EYS: variants seen among roughly 807,000 people sequenced by gnomAD.
EYS encodes the protein protein eyes shut homolog.
Under a neutral mutation model 282.1 loss-of-function variants are expected in EYS, and 250 were observed. The observed-to-expected ratio is 0.89, with a 90% CI of 0.80 to 0.98. The LOEUF (loss-of-function observed/expected upper bound fraction) is 0.98, where lower values mean the gene tolerates loss of function less well. EYS is among the 50% of genes least tolerant of loss of function. EYS has a pLI of 0.00. For missense variants in EYS, 4,016 were observed against 3,709.0 expected, an observed-to-expected ratio of 1.08 and a Z score of -2.15; for synonymous variants, 1,355 against 1,282.9, an observed-to-expected ratio of 1.06 and a Z score of -1.20.
At chr6:65,126,653 C>T (rs1316220272) in intron 12 of EYS, among the ~76,000 whole-genome samples, 1 of 152,094 alleles carries the variant, frequency 6.6e-6, no homozygotes, top group Non-Finnish European at 1.5e-5. Flanking sequence ...CTTCAGGATT[C>T]TTATGCAGTC....
At chr6:64,077,522 T>G (rs1771814964) in intron 32 of EYS, among the ~76,000 whole-genome samples, 1 of 151,984 alleles carries the variant, frequency 6.6e-6, no homozygotes, top group Non-Finnish European at 1.5e-5. Context: ...CTAAGATTGG[T>G]CCTTCTTTTG....
At chr6:65,612,597 A>G (rs1279170735) in intron 2 of EYS, among the ~76,000 whole-genome samples, 55 of 151,808 alleles carry the variant, frequency 3.6e-4, no homozygotes, top group Non-Finnish European at 4.4e-5. Flanking sequence ...GAGTTAACTA[A>G]GCAACAACTA....
At chr6:65,084,466 C>A (rs139038658) in intron 12 of EYS, among the ~76,000 whole-genome samples, 246 of 152,230 alleles carry the variant, frequency 1.6e-3, no homozygotes, top group African/African-American at 5.2e-3. Flanking sequence ...AATGCTACTC[C>A]AAGAAAGTAA....
intron 31 of EYS, among the ~76,000 whole-genome samples, chr6:64,189,279 T>C (rs1326936802): frequency 6.6e-6 from 1 of 152,242 alleles, no homozygotes; most frequent in East Asian, 1.9e-4. Context: ...CAATGGCCAC[T>C]GGGCCAAATA....
chr6:64,946,114 A>C (rs1434022533), intron 14 of EYS, among the ~76,000 whole-genome samples, 200 bp from the exon 15 acceptor site: 1 of 152,028 alleles, frequency 6.6e-6, no homozygotes, highest in Non-Finnish European at 1.5e-5. Context: ...TAATTAAATA[A>C]AGTTTTGTAG....
intron 22 of EYS, among the ~76,000 whole-genome samples, chr6:64,654,297 C>T (rs1207492255): frequency 1.3e-5 from 2 of 152,172 alleles, no homozygotes; most frequent in Non-Finnish European, 2.9e-5. Flanking sequence ...ATGCATATCT[C>T]TACTTGCTAG....
chr6:65,441,616 G>A (rs1313283023), intron 5 of EYS, among the ~76,000 whole-genome samples: 1 of 152,008 alleles, frequency 6.6e-6, no homozygotes, highest in Non-Finnish European at 1.5e-5. Context: ...AAAATATTCT[G>A]AGGAACACAG....
intron 31 of EYS, among the ~76,000 whole-genome samples, chr6:64,205,236 T>G (rs970388521): frequency 2.0e-5 from 3 of 152,210 alleles, no homozygotes; most frequent in African/African-American, 7.2e-5. Flanking sequence ...TTTACAAACT[T>G]TTATTCAATT....
At chr6:64,356,095 A>G in intron 29 of EYS, among the ~76,000 whole-genome samples, 1 of 151,534 alleles carries the variant, frequency 6.6e-6, no homozygotes, top group Non-Finnish European at 1.5e-5. Flanking sequence ...TATTATCTAA[A>G]TATAAATTAT....
intron 1 of EYS, among the ~76,000 whole-genome samples, chr6:65,643,985 A>T (rs1767372104): frequency 6.6e-6 from 1 of 152,082 alleles, no homozygotes. Flanking sequence ...AAACATAAAA[A>T]CAATTCTGGT....
intron 26 of EYS, among the ~76,000 whole-genome samples, chr6:64,493,968 G>C (rs1430264054): frequency 6.6e-6 from 1 of 151,574 alleles, no homozygotes; most frequent in Admixed American, 6.6e-5. Context: ...AAGGGACTAA[G>C]GGGTCCTGAA....
intron 28 of EYS, among the ~76,000 whole-genome samples, chr6:64,396,699 A>G (rs944286972): frequency 1.3e-5 from 2 of 152,118 alleles, no homozygotes; most frequent in Admixed American, 6.6e-5. Flanking sequence ...GTTCTGCAGT[A>G]TCGCTTCTGT....
intron 2 of EYS, among the ~76,000 whole-genome samples, chr6:65,516,323 G>A (rs1582403920): frequency 6.6e-6 from 1 of 151,938 alleles, no homozygotes; most frequent in African/African-American, 2.4e-5. Context: ...TAAGAATTTA[G>A]GCCTGTGGCT....
At chr6:64,225,555 T>C (rs986843650) in intron 31 of EYS, among the ~76,000 whole-genome samples, 1 of 152,018 alleles carries the variant, frequency 6.6e-6, no homozygotes, top group Non-Finnish European at 1.5e-5. Context: ...TGAAAATAGA[T>C]GGGATCATGA....
intron 7 of EYS, among the ~76,000 whole-genome samples, chr6:65,393,145 GGGA>G (rs1766119477): frequency 1.3e-5 from 2 of 151,552 alleles, no homozygotes; most frequent in Admixed American, 1.3e-4. Context: ...ACACAGGAAG[GGGA>G]ACATCACACT....
chr6:65,047,258 A>ACTC (rs1773132934), intron 13 of EYS, among the ~76,000 whole-genome samples: 1 of 151,428 alleles, frequency 6.6e-6, no homozygotes, highest in African/African-American at 2.4e-5. Flanking sequence ...TCATCAAATA[A>ACTC]CTCCCTCAAA....
rs78278892 is a variant in EYS, at chr6:64,402,205, A to G, written c.5928-13365T>C. 7.7e-4 allele frequency among the ~76,000 whole-genome samples: 118 copies of G among 152,316 alleles called. 1 individual carries two copies. In the East Asian group the frequency reaches 0.017, roughly 21 times the overall value. On this transcript the variant is annotated intron_variant, in intron 28 of 42. Coordinates refer to ENST00000503581, the MANE Select transcript of EYS (RefSeq NM_001142800.2). ...AGTCTTAGTGATCTCTTTAATGTCTAACACCATTAAAGTGTGCCACTCATT... is the reference window on the plus strand; with the variant it reads ...AGTCTTAGTGATCTCTTTAATGTCTGACACCATTAAAGTGTGCCACTCATT...
chr6:65,037,533 T>C (rs1772806082), intron 13 of EYS, among the ~76,000 whole-genome samples: 1 of 151,834 alleles, frequency 6.6e-6, no homozygotes, highest in African/African-American at 2.4e-5. Context: ...GTATTTTCTC[T>C]TCCGTATGAT....
intron 29 of EYS, 65 bp from the exon 30 acceptor site, chr6:64,307,147 T>A (rs999467761): frequency 1.2e-6 from 1 of 859,542 alleles, no homozygotes; most frequent in Non-Finnish European, 1.9e-6. Context: ...TATATTATTC[T>A]TGCTTCAAAC....
Sources: gnomAD v4.1 joint callset for allele counts (sites outside exome capture counted in the v4.1 genomes callset) on GRCh38, gnomAD v4.1.1 for gene constraint, MANE v1.5 for transcripts, NCBI Gene and HGNC (gene_info 2026-07-23, HGNC 2026-07-21) for gene names.